ATP8A2: variants seen among roughly 807,000 people sequenced by gnomAD.
ATP8A2 encodes ATPase phospholipid transporting 8A2, also known as phospholipid-transporting ATPase IB.
ATP8A2 carries 100 observed loss-of-function variants against 165.6 expected under a neutral mutation model. The ratio of observed to expected loss-of-function variants is 0.60; its 90% CI spans 0.51 to 0.71. The LOEUF (loss-of-function observed/expected upper bound fraction) is 0.71, where lower values mean the gene tolerates loss of function less well. Among genes scored for constraint, ATP8A2 ranks in the 30% least tolerant of loss-of-function variants. ATP8A2 has a pLI of 0.00. For synonymous variants in ATP8A2, 543 were observed against 548.8 expected, an observed-to-expected ratio of 0.99 and a Z score of 0.15; for missense variants, 1,227 against 1,479.5, an observed-to-expected ratio of 0.83 and a Z score of 2.80.
chr13:25,701,220 T>C (rs1215350262), intron 25 of ATP8A2, among the ~76,000 whole-genome samples: 1 of 152,194 alleles, frequency 6.6e-6, no homozygotes, highest in Non-Finnish European at 1.5e-5. Context: ...TTTTGTGCTT[T>C]TGGTGTCATA....
At chr13:25,907,279 C>A (rs1485191966) in intron 33 of ATP8A2, among the ~76,000 whole-genome samples, 1 of 151,754 alleles carries the variant, frequency 6.6e-6, no homozygotes, top group African/African-American at 2.4e-5. Context: ...CCAGCTTGGG[C>A]AACAAAGCAA....
chr13:25,652,730 T>C (rs1339092217), intron 24 of ATP8A2, among the ~76,000 whole-genome samples: 1 of 152,226 alleles, frequency 6.6e-6, no homozygotes, highest in Non-Finnish European at 1.5e-5. Context: ...TATTGGTGCA[T>C]AGGAAAGTTC....
chr13:25,917,223 G>T (rs1954294723), intron 33 of ATP8A2, among the ~76,000 whole-genome samples: 1 of 152,158 alleles, frequency 6.6e-6, no homozygotes, highest in African/African-American at 2.4e-5. Context: ...TATCTTCATG[G>T]ATACAGTTAG....
intron 25 of ATP8A2, among the ~76,000 whole-genome samples, chr13:25,766,544 T>A (rs1158916403): frequency 6.6e-6 from 1 of 152,158 alleles, no homozygotes; most frequent in Non-Finnish European, 1.5e-5. Context: ...CTATTCCACA[T>A]TGATTTTCAC....
chr13:25,849,779 C>T (rs531089668), intron 30 of ATP8A2, among the ~76,000 whole-genome samples: 1 of 152,326 alleles, frequency 6.6e-6, no homozygotes, highest in East Asian at 1.9e-4. Context: ...AACAGACTCA[C>T]CTGCTGCCTT....
intron 2 of ATP8A2, among the ~76,000 whole-genome samples, chr13:25,480,666 T>C (rs1218697141): frequency 1.4e-5 from 2 of 147,518 alleles, no homozygotes; most frequent in African/African-American, 2.5e-5. Flanking sequence ...CTCCTCACTT[T>C]CCAGACTGGG....
chr13:25,709,127 C>G (rs1273631570), intron 25 of ATP8A2, among the ~76,000 whole-genome samples: 1 of 152,142 alleles, frequency 6.6e-6, no homozygotes, highest in Admixed American at 6.6e-5. Flanking sequence ...GACAGAGAGA[C>G]AGACAGACAC....
chr13:25,783,114 C>T (rs113969622), intron 27 of ATP8A2, among the ~76,000 whole-genome samples: 4,092 of 150,394 alleles, frequency 0.027, 175 homozygotes, highest in African/African-American at 0.094. Context: ...ATTTTTTTTT[C>T]CTGTGGTTGT....
At chr13:25,400,628 C>T (rs958441886) in intron 1 of ATP8A2, among the ~76,000 whole-genome samples, 2 of 152,194 alleles carry the variant, frequency 1.3e-5, no homozygotes, top group Non-Finnish European at 2.9e-5. Context: ...CCCGATGACT[C>T]CGGATTATTC....
chr13:25,734,647 T>C (rs868401782), intron 25 of ATP8A2, among the ~76,000 whole-genome samples: 1 of 152,272 alleles, frequency 6.6e-6, no homozygotes, highest in African/African-American at 2.4e-5. Context: ...TAAGGTTTCC[T>C]TTCTTTTTGA....
intron 24 of ATP8A2, among the ~76,000 whole-genome samples, chr13:25,617,033 T>C (rs2040845595): frequency 6.6e-6 from 1 of 152,190 alleles, no homozygotes; most frequent in South Asian, 2.1e-4. Flanking sequence ...CTGGTTTATC[T>C]TGAAAAGAAA....
At chr13:26,006,472 T>A (rs1057127100) in intron 35 of ATP8A2, among the ~76,000 whole-genome samples, 2 of 152,062 alleles carry the variant, frequency 1.3e-5, no homozygotes, top group Non-Finnish European at 2.9e-5. Flanking sequence ...TAGTTTTACT[T>A]CTTTCTTTCA....
intron 12 of ATP8A2, 139 bp from the exon 13 acceptor site, chr13:25,554,852 G>A (rs902798475): frequency 5.8e-5 from 31 of 530,730 alleles, no homozygotes; most frequent in Non-Finnish European, 8.3e-5. Flanking sequence ...GAGCCACTGC[G>A]CCCAGCCAAA....
chr13:25,879,715 G>A (rs1380458208), intron 33 of ATP8A2, among the ~76,000 whole-genome samples: 1 of 152,212 alleles, frequency 6.6e-6, no homozygotes, highest in Non-Finnish European at 1.5e-5. Flanking sequence ...TCTTCAAGCA[G>A]ATTTATGCAA....
chr13:25,789,766 G>A (rs1437919169), intron 27 of ATP8A2, among the ~76,000 whole-genome samples: 1 of 152,142 alleles, frequency 6.6e-6, no homozygotes, highest in Non-Finnish European at 1.5e-5. Flanking sequence ...AGCCCCAATA[G>A]CCAAGGCAAT....
chr13:25,805,276 G>A (rs1950710144), intron 27 of ATP8A2, among the ~76,000 whole-genome samples: 1 of 151,748 alleles, frequency 6.6e-6, no homozygotes, highest in Non-Finnish European at 1.5e-5. Context: ...TGGGAGGCTG[G>A]GGTGGACATA....
At chr13:25,587,321 C>G (rs1356387392) in intron 23 of ATP8A2, among the ~76,000 whole-genome samples, 1 of 152,274 alleles carries the variant, frequency 6.6e-6, no homozygotes, top group Middle Eastern at 3.4e-3. Flanking sequence ...CGTATCCAAA[C>G]TAAAAACAGC....
At chr13:25,558,151 C>A (rs1267235491) in intron 13 of ATP8A2, among the ~76,000 whole-genome samples, 1 of 152,200 alleles carries the variant, frequency 6.6e-6, no homozygotes, top group African/African-American at 2.4e-5. Context: ...ATCCACCCGC[C>A]TTGGCCTTCC....
At chr13:25,489,089 A>G (rs776382183) in intron 2 of ATP8A2, among the ~76,000 whole-genome samples, 1 of 151,886 alleles carries the variant, frequency 6.6e-6, no homozygotes, top group Non-Finnish European at 1.5e-5. Flanking sequence ...TCGTGTCTCC[A>G]CCTGTGACAG....
Sources: allele counts gnomAD v4.1 joint callset (sites outside exome capture counted in the v4.1 genomes callset), GRCh38; gene constraint gnomAD v4.1.1; transcripts MANE v1.5; gene names NCBI Gene and HGNC (gene_info 2026-07-23, HGNC 2026-07-21).